Variants in RELN observed in about 807,000 individuals in gnomAD.
RELN encodes the protein reelin.
RELN carries 108 observed loss-of-function variants against 427.6 expected under a neutral mutation model. The ratio of observed to expected loss-of-function variants is 0.25; its 90% CI spans 0.22 to 0.30. RELN has a LOEUF of 0.30. RELN is among the 10% of genes least tolerant of loss of function. The pLI is 1.00. For missense variants in RELN, 3,715 were observed against 4,302.8 expected (o/e 0.86, Z 3.82); for synonymous variants, 1,524 against 1,513.4 (o/e 1.01, Z -0.16).
intron 3 of RELN, among the ~76,000 whole-genome samples, chr7:103,784,181 C>T (rs1267218929): frequency 6.6e-6 from 1 of 152,008 alleles, no homozygotes; most frequent in Admixed American, 6.6e-5. Context: ...TGAAAGGGGA[C>T]GTTGATTGGA....
intron 25 of RELN, among the ~76,000 whole-genome samples, chr7:103,596,211 C>T (rs1831533680): frequency 6.6e-6 from 1 of 152,170 alleles, no homozygotes; most frequent in South Asian, 2.1e-4. Context: ...ACAGTGGTTA[C>T]GTATCTTGCT....
In RELN at chr7:103,500,739, C is replaced by G. The variant is rs770342200; in HGVS notation, c.8667+6G>C. Reference sequence around the variant, plus strand: ...TAATGCGTCTTGTCCAGGGCTTTACCCTTACCTTCAGAGTGTGGGTCAAGT... The same window carrying G: ...TAATGCGTCTTGTCCAGGGCTTTACGCTTACCTTCAGAGTGTGGGTCAAGT... On this transcript the variant is annotated splice_donor_region_variant and intron_variant, in intron 53 of 64. Coordinates refer to ENST00000428762, the MANE Select transcript of RELN (RefSeq NM_005045.4). 8.7e-6 allele frequency: 14 copies of G among 1,613,724 alleles called. No individual in the cohort carries two copies. In the Admixed American group the frequency reaches 1.5e-4, roughly 17 times the overall value.
chr7:103,776,674 G>T, intron 3 of RELN, 47 bp from the exon 4 acceptor site: 2 of 1,584,970 alleles, frequency 1.3e-6, no homozygotes, highest in Non-Finnish European at 8.7e-7. Context: ...TAATATGTTT[G>T]GTGAAAATGT....
At chr7:103,723,559 A>AC (rs1790130871) in intron 7 of RELN, among the ~76,000 whole-genome samples, 1 of 152,166 alleles carries the variant, frequency 6.6e-6, no homozygotes, top group South Asian at 2.1e-4. Context: ...TAGATCGGGG[A>AC]CCCAAAGAGA....
intron 1 of RELN, among the ~76,000 whole-genome samples, chr7:103,963,134 C>CT (rs61170235): frequency 1.1e-4 from 15 of 139,302 alleles, no homozygotes; most frequent in Admixed American, 1.4e-4. Flanking sequence ...TTTTCGCCTT[C>CT]TTTTTTTTTT....
At chr7:103,682,399 T>C in intron 10 of RELN, 138 bp from the exon 11 acceptor site, 2 of 877,032 alleles carry the variant, frequency 2.3e-6, no homozygotes, top group Non-Finnish European at 3.7e-6. Flanking sequence ...CAAAAGAGCT[T>C]GTTACCTCTT....
At chr7:103,826,997 CT>C (rs201344580) in intron 3 of RELN, among the ~76,000 whole-genome samples, 2,857 of 130,682 alleles carry the variant, frequency 0.022, 34 homozygotes, top group Middle Eastern at 0.043. Flanking sequence ...TTTGCTATAG[CT>C]TTTTTTTTTT....
rs202193737 is a variant in RELN at position 103,599,642 on chromosome 7, G to T, written c.3334-2981C>A. ...CTAAGAAAAGAGAGAAGTACAGTTT[G>T]CCAGAGCTCCAGAAAGCTTCAGGGA... On this transcript the variant is annotated intron_variant, in intron 24 of 64. Transcript: ENST00000428762. 4.6e-5 allele frequency among the ~76,000 whole-genome samples: 7 copies of T among 152,208 alleles called. No individual in the cohort carries two copies. In the East Asian group the frequency reaches 7.7e-4, roughly 17 times the overall value.
rs1562917518 is a variant in RELN at position 103,603,988 on chromosome 7, T to C, written c.3146+358A>G. 6.6e-6 allele frequency among the ~76,000 whole-genome samples: 1 copy of C among 151,974 alleles called. No homozygotes were observed. Among genetic ancestry groups the C allele is most frequent in the Non-Finnish European group, 1.5e-5 (1 of 67,996 alleles). ...CACCATCTCCCCATGTATACAACCT[T>C]GAACTTCTGGTGAAGTGGTGTAAGA... On this transcript the variant is annotated intron_variant, in intron 23 of 64. Coordinates refer to ENST00000428762, the MANE Select transcript of RELN (RefSeq NM_005045.4). The surrounding 1 kb of genome is among the most constrained non-coding windows in gnomAD (Gnocchi z 4.3).
In RELN at chr7:103,575,434, G is replaced by A. The variant is rs913457065; in HGVS notation, c.4303+114C>T. 4.0e-6 allele frequency: 5 copies of A among 1,235,820 alleles called. No individual in the cohort carries two copies. The Admixed American group carries it at 7.0e-5, about 17-fold the overall frequency. The allele number at this position is 1,235,820 out of a possible 1,614,324, so 76.6% of individuals were successfully genotyped here. ...GGGTTGTGAATTCCTACAATTCCTA[G>A]ACTTAAAGAGGAATAAATTCAGAAT... is the stretch of plus-strand genomic sequence containing the variant. On this transcript the variant is annotated intron_variant, in intron 29 of 64. Transcript: ENST00000428762.
chr7:103,605,101 A>G (rs1422117524), intron 22 of RELN, among the ~76,000 whole-genome samples: 3 of 152,212 alleles, frequency 2.0e-5, no homozygotes, highest in Admixed American at 6.5e-5. Context: ...AAGTGTTGGG[A>G]TTACAGGCGT....
At chr7:103,538,524 T>C (rs1830107305) in intron 45 of RELN, among the ~76,000 whole-genome samples, 1 of 152,148 alleles carries the variant, frequency 6.6e-6, no homozygotes, top group Non-Finnish European at 1.5e-5. Flanking sequence ...GAGGGTGGCC[T>C]GGAATGTGCT....
intron 2 of RELN, among the ~76,000 whole-genome samples, chr7:103,909,748 TATATATTAA>T (rs1267956954): frequency 3.3e-5 from 3 of 90,504 alleles, no homozygotes; most frequent in Non-Finnish European, 5.6e-5. Flanking sequence ...TATATAAATA[TATATATTAA>T]ATATATATAT....
chr7:103,739,217 T>C (rs1790576060), intron 6 of RELN, among the ~76,000 whole-genome samples: 1 of 152,358 alleles, frequency 6.6e-6, no homozygotes, highest in Non-Finnish European at 1.5e-5. Flanking sequence ...ATACTGGCAC[T>C]GTTTATATTA....
In RELN at chr7:103,492,056, G is replaced by C. The variant is rs79193208; in HGVS notation, c.9370-30C>G. ...AACAAACATAAACAATCAATACACA[G>C]GTAAGATTAGATGATACTGAATTCC... is the stretch of plus-strand genomic sequence containing the variant. On this transcript the variant is annotated intron_variant, in intron 57 of 64. Transcript: ENST00000428762. 3,193 of 1,521,998 alleles carry C rather than the reference G, an allele frequency of 2.1e-3. 51 individuals are homozygous for C. The African/African-American group carries it at 0.039, about 19-fold the overall frequency. The allele number at this position is 1,521,998 out of a possible 1,614,324, so 94.3% of individuals were successfully genotyped here. A position where few individuals can be genotyped will look rare whatever the true frequency, so the allele number is the denominator to read the frequency against.
At chr7:103,822,520 A>G (rs1475106241) in intron 3 of RELN, among the ~76,000 whole-genome samples, 1 of 152,128 alleles carries the variant, frequency 6.6e-6, no homozygotes, top group African/African-American at 2.4e-5. Flanking sequence ...GAAATGGCAG[A>G]GTATAAACTC....
intron 2 of RELN, among the ~76,000 whole-genome samples, chr7:103,874,558 C>G (rs528558508): frequency 0.011 from 1,671 of 145,704 alleles, 44 homozygotes; most frequent in African/African-American, 0.038. Context: ...TCTGATACAC[C>G]AACAACAGAC....
At chr7:103,705,173 C>T (rs544621037) in intron 8 of RELN, among the ~76,000 whole-genome samples, 67 of 152,174 alleles carry the variant, frequency 4.4e-4, no homozygotes, top group African/African-American at 1.6e-3. Flanking sequence ...TATATGTATA[C>T]ATTCCAGAAT....
chr7:103,483,439 G>A (rs1434253805), intron 62 of RELN, among the ~76,000 whole-genome samples: 3 of 152,190 alleles, frequency 2.0e-5, no homozygotes, highest in Admixed American at 1.3e-4. Flanking sequence ...ATTCCCTCTT[G>A]TCCTTATTCC....
Sources: allele counts gnomAD v4.1 joint callset (sites outside exome capture counted in the v4.1 genomes callset), GRCh38; gene constraint gnomAD v4.1.1; non-coding constraint Gnocchi (gnomAD v3.1); transcripts MANE v1.5; gene names NCBI Gene and HGNC (gene_info 2026-07-23, HGNC 2026-07-21).